Variants in VPS13C observed in about 807,000 individuals in gnomAD.
The protein encoded by VPS13C is intermembrane lipid transfer protein VPS13C.
VPS13C carries 358 observed loss-of-function variants against 456.8 expected under a neutral mutation model. The observed-to-expected ratio is 0.78, with a 90% CI of 0.72 to 0.86. The LOEUF is 0.86. Among genes scored for constraint, VPS13C ranks in the 40% least tolerant of loss-of-function variants. VPS13C has a pLI of 0.00. For synonymous variants in VPS13C, 1,578 were observed against 1,486.7 expected, an observed-to-expected ratio of 1.06 and a Z score of -1.41; for missense variants, 4,818 against 4,385.4, an observed-to-expected ratio of 1.10 and a Z score of -2.79.
intron 5 of VPS13C, among the ~76,000 whole-genome samples, chr15:62,031,587 A>G (rs926926883): frequency 1.3e-4 from 20 of 151,972 alleles, no homozygotes; most frequent in African/African-American, 4.6e-4. Context: ...TAGTCTCAAA[A>G]CTTTTTTGAC....
intron 61 of VPS13C, among the ~76,000 whole-genome samples, chr15:61,914,887 A>AAAAAAAAAAAAAAAAAAAAAAAAAAC (rs2043417205): frequency 2.1e-5 from 1 of 46,892 alleles, no homozygotes; most frequent in Non-Finnish European, 5.0e-5. Flanking sequence ...TTAAAAAAAA[A>AAAAAAAAAAAAAAAAAAAAAAAAAAC]AAAAAAAAAA....
Position 61,966,116 on chromosome 15 carries a change from T to C in VPS13C, c.3018A>G (p.Gln1006=), listed in dbSNP as rs199767085. Residue 1006 remains glutamine, a synonymous_variant, in exon 30 of 85, where the codon CAA becomes CAG. Coordinates refer to ENST00000644861, the MANE Select transcript of VPS13C (RefSeq NM_020821.3). ...IKADKNGPSF[Q]TAFGKTEQTV... ...TTTGTTCAGTTTTTCCAAAAGCAGT[T>C]TGAAAACTAGGTCCATTCTTATCAG... 1.6e-4 allele frequency: 264 copies of C among 1,606,356 alleles called. No homozygotes were observed. Among genetic ancestry groups the C allele is most frequent in the Non-Finnish European group, 2.2e-4 (254 of 1,175,678 alleles).
intron 40 of VPS13C, among the ~76,000 whole-genome samples, 187 bp from the exon 41 acceptor site, chr15:61,950,604 C>A (rs1166630061): frequency 6.6e-6 from 1 of 150,842 alleles, no homozygotes; most frequent in African/African-American, 2.4e-5. Context: ...TTCTTACATT[C>A]CATACAAGCA....
At chr15:61,959,222 A>G (rs1389412225) in intron 36 of VPS13C, among the ~76,000 whole-genome samples, 1 of 152,154 alleles carries the variant, frequency 6.6e-6, no homozygotes, top group African/African-American at 2.4e-5. Context: ...CATAATTTAT[A>G]TACAGATCTC....
At chr15:61,885,935 T>G (rs1339183232) in intron 67 of VPS13C, among the ~76,000 whole-genome samples, 6 of 152,168 alleles carry the variant, frequency 3.9e-5, no homozygotes, top group Admixed American at 6.5e-5. Flanking sequence ...TAACATCTGT[T>G]GACTCATCAA....
At chr15:62,010,010 A>G (rs1472514704) in intron 13 of VPS13C, among the ~76,000 whole-genome samples, 3 of 152,030 alleles carry the variant, frequency 2.0e-5, no homozygotes, top group Non-Finnish European at 4.4e-5. Flanking sequence ...ACACAGTGAA[A>G]CGCCATCTCT....
intron 15 of VPS13C, among the ~76,000 whole-genome samples, chr15:62,002,099 C>A (rs1020347482): frequency 7.2e-5 from 11 of 152,186 alleles, no homozygotes; most frequent in African/African-American, 2.7e-4. Flanking sequence ...CCCACGCTGA[C>A]TTCCACAATG....
chr15:61,881,656 A>G (rs201012744), intron 70 of VPS13C, 24 bp from the exon 71 acceptor site: 1 of 1,607,478 alleles, frequency 6.2e-7, no homozygotes, highest in Non-Finnish European at 8.5e-7. Flanking sequence ...GTAACACATA[A>G]AAAAAAATAA....
intron 66 of VPS13C, among the ~76,000 whole-genome samples, chr15:61,902,143 G>A (rs1312536057): frequency 1.3e-5 from 2 of 150,184 alleles, no homozygotes; most frequent in African/African-American, 4.9e-5. Context: ...GATAGCATTG[G>A]GAGATATACC....
chr15:61,925,524 T>A lies in VPS13C; in HGVS notation c.6541A>T (p.Met2181Leu). ...TTVLQPCSLFMEKCTWASGKQ... is the reference protein window; with the variant it reads ...TTVLQPCSLFLEKCTWASGKQ... The stretch of plus-strand genomic sequence containing the variant: ...CCTGAAGCCCACGTACATTTTTCCA[T>A]AAATAAAGAACAGGGCTGCAAGACC... Residue 2181 changes from methionine (M) to leucine (L), a missense_variant, in exon 53 of 85, where the codon ATG (methionine) becomes TTG (leucine). Transcript: ENST00000644861. The A allele has an allele frequency of 6.2e-7, 1 of 1,604,026 alleles. No individual in the cohort carries two copies. The highest frequency in any genetic ancestry group is 8.5e-7 in the Non-Finnish European group (1 of 1,175,540).
chr15:61,940,501 A>G, intron 47 of VPS13C, 146 bp downstream of exon 47: 2 of 652,676 alleles, frequency 3.1e-6, no homozygotes, highest in Non-Finnish European at 4.5e-6. Context: ...TACACATACA[A>G]CAGACAAATG....
intron 62 of VPS13C, 129 bp from the exon 63 acceptor site, chr15:61,912,133 GT>G: frequency 1.2e-6 from 1 of 845,126 alleles, no homozygotes; most frequent in Non-Finnish European, 1.6e-6. Flanking sequence ...GCAACTATAA[GT>G]TACATTCTGC....
intron 15 of VPS13C, among the ~76,000 whole-genome samples, chr15:62,001,321 T>C (rs1241052413): frequency 2.6e-5 from 4 of 152,188 alleles, no homozygotes; most frequent in Non-Finnish European, 5.9e-5. Context: ...CTGACGCCAA[T>C]AACTACGCTT....
At chr15:61,918,984 G>A (rs1032945618) in intron 58 of VPS13C, among the ~76,000 whole-genome samples, 8 of 151,830 alleles carry the variant, frequency 5.3e-5, no homozygotes, top group African/African-American at 1.2e-4. Context: ...AATAATCCTC[G>A]GTTCTGAATA....
At chr15:61,961,242 A>C (rs996858528) in intron 35 of VPS13C, among the ~76,000 whole-genome samples, 1 of 151,518 alleles carries the variant, frequency 6.6e-6, no homozygotes, top group Non-Finnish European at 1.5e-5. Flanking sequence ...TACAAAAAAA[A>C]TTAGCCAGGC....
At position 61,867,109 on chromosome 15, in the gene VPS13C, G is replaced by T; in HGVS notation, c.10863+1550C>A. ...TCTAAGGATTTAAAAGCAAAAGGTT[G>T]GTTTTTGAAAATAAAGAAATCTATG... On this transcript the variant is annotated intron_variant, in intron 81 of 84. Coordinates refer to ENST00000644861, the MANE Select transcript of VPS13C (RefSeq NM_020821.3). This position sits in a 1 kb window ranked among gnomAD's most constrained non-coding sequence, Gnocchi z 5.0. 1.0e-6 allele frequency: 1 copy of T among 968,260 alleles called. No homozygotes were observed. Among genetic ancestry groups the T allele is most frequent in the Non-Finnish European group, 1.2e-6 (1 of 814,446 alleles). The allele number at this position is 968,260 out of a possible 1,614,324, so 60.0% of individuals were successfully genotyped here.
rs115245671 is a variant in VPS13C, at chr15:62,010,532, C to A, written c.951G>T (p.Thr317=). The A allele has an allele frequency of 1.9e-6, 3 of 1,613,220 alleles. No homozygotes were observed. Among genetic ancestry groups the A allele is most frequent in the Admixed American group, 3.3e-5 (2 of 59,846 alleles). ...TTTCTATGTTGCAATCCAGTTTGGG[C>A]GTTTTGAGCTCTGATTCTGCATAAG... ...MNPYAESELK[T]PKLDCNIEIQ... The change falls in exon 13 of 85, where the codon ACG becomes ACT. Residue 317 remains threonine (T), a synonymous_variant. Transcript: ENST00000644861.
At chr15:62,033,326 A>T (rs2047880163) in intron 5 of VPS13C, 115 bp downstream of exon 5, 5 of 574,666 alleles carry the variant, frequency 8.7e-6, no homozygotes, top group Admixed American at 4.3e-5. Context: ...ATTAAAAAAA[A>T]ATTATGTCTT....
At chr15:61,947,633 T>G (rs1285462796) in intron 42 of VPS13C, among the ~76,000 whole-genome samples, 2 of 152,116 alleles carry the variant, frequency 1.3e-5, no homozygotes, top group Non-Finnish European at 2.9e-5. Flanking sequence ...ACTCTAGAAT[T>G]CTCTTGGTCT....
Sources: gnomAD v4.1 joint callset for allele counts (sites outside exome capture counted in the v4.1 genomes callset) on GRCh38, gnomAD v4.1.1 for gene constraint, Gnocchi (gnomAD v3.1) non-coding constraint, MANE v1.5 for transcripts, NCBI Gene and HGNC (gene_info 2026-07-23, HGNC 2026-07-21) for gene names.